The following CHRM5 variants were observed in gnomAD, a reference collection of about 807,000 sequenced individuals.
CHRM5 encodes muscarinic acetylcholine receptor M5.
Under a neutral mutation model 39.0 loss-of-function variants are expected in CHRM5, and 18 were observed. That is an observed-to-expected ratio of 0.46 (90% confidence interval 0.32 to 0.68). CHRM5 has a LOEUF of 0.68. CHRM5 is among the 30% of genes least tolerant of loss of function. The pLI, the probability that CHRM5 is intolerant of heterozygous loss-of-function variation, is 0.04. For missense variants in CHRM5, 515 were observed against 651.1 expected (o/e 0.79, Z 2.28); for synonymous variants, 241 against 246.3 (o/e 0.98, Z 0.20).
chr15:33,973,422 T>C (rs1895725520), intron 1 of CHRM5, among the ~76,000 whole-genome samples: 1 of 152,224 alleles, frequency 6.6e-6, no homozygotes, highest in African/African-American at 2.4e-5. Flanking sequence ...TCATTTGTGT[T>C]GCAAAGACAG....
At chr15:34,008,144 G>A (rs1013899201) in intron 1 of CHRM5, among the ~76,000 whole-genome samples, 1 of 152,258 alleles carries the variant, frequency 6.6e-6, no homozygotes. Flanking sequence ...GGGTGGGCCT[G>A]GCACCATGGC....
At chr15:33,986,750 A>G (rs1026817524) in intron 1 of CHRM5, among the ~76,000 whole-genome samples, 3 of 146,942 alleles carry the variant, frequency 2.0e-5, no homozygotes, top group Admixed American at 6.8e-5. Context: ...TCCGCCTCCC[A>G]GGTTCAAGCG....
intron 1 of CHRM5, among the ~76,000 whole-genome samples, chr15:34,005,612 G>A (rs1158658518): frequency 6.6e-6 from 1 of 152,144 alleles, no homozygotes; most frequent in Non-Finnish European, 1.5e-5. Context: ...CACAGGGTTT[G>A]GATAATGAAG....
In CHRM5 at chr15:34,063,480, C is replaced by T. The variant is rs140851264; in HGVS notation, c.763C>T (p.Arg255Cys). The T allele has an allele frequency of 3.9e-5, 63 of 1,613,706 alleles. No individual in the cohort carries two copies. The highest frequency in any genetic ancestry group is 2.4e-4 in the South Asian group (22 of 91,092). The stretch of plus-strand genomic sequence containing the variant: ...TAGGGCTCTGTTCAGATCCTGCTTG[C>T]GCTGTCCTCGACCCACCCTGGCCCA... ...AHRALFRSCL[R>C]CPRPTLAQRE... Residue 255 changes from arginine (R) to cysteine (C), a missense_variant, in exon 3 of 3, where the codon CGC becomes TGC. Physicochemically the swap from Arg to Cys is radical, Grantham distance 180. Transcript: ENST00000383263. This position sits in a 1 kb window ranked among gnomAD's most constrained non-coding sequence, Gnocchi z 4.1.
chr15:33,988,447 C>T (rs778359240), intron 1 of CHRM5, among the ~76,000 whole-genome samples: 3 of 152,134 alleles, frequency 2.0e-5, no homozygotes, highest in East Asian at 3.9e-4. Context: ...ATGAAACCTA[C>T]CCTATTAAGT....
chr15:34,053,892 A>G (rs1900034101), intron 2 of CHRM5, among the ~76,000 whole-genome samples: 1 of 152,144 alleles, frequency 6.6e-6, no homozygotes, highest in Non-Finnish European at 1.5e-5. Context: ...TGAATAGACA[A>G]CTTACAGAAT....
chr15:33,980,755 T>TCCTTGCTCTAA (rs1896102475), intron 1 of CHRM5, among the ~76,000 whole-genome samples: 2 of 152,114 alleles, frequency 1.3e-5, no homozygotes, highest in African/African-American at 2.4e-5. Context: ...CTAAGCAGAG[T>TCCTTGCTCTAA]GTAGGCAAGG....
intron 1 of CHRM5, among the ~76,000 whole-genome samples, chr15:34,011,431 A>G (rs1194571992): frequency 1.3e-5 from 2 of 152,238 alleles, no homozygotes; most frequent in Non-Finnish European, 2.9e-5. Context: ...AGTATATGGC[A>G]TATATGTGAA....
intron 1 of CHRM5, among the ~76,000 whole-genome samples, chr15:34,023,622 A>C (rs1297442697): frequency 6.6e-6 from 1 of 152,196 alleles, no homozygotes; most frequent in Non-Finnish European, 1.5e-5. Context: ...GAAGAAAATA[A>C]AAAAACTCTC....
chr15:34,035,023 T>C (rs899368301), intron 1 of CHRM5, among the ~76,000 whole-genome samples: 2 of 152,232 alleles, frequency 1.3e-5, no homozygotes, highest in Admixed American at 1.3e-4. Context: ...GACACCTGCC[T>C]GTAACTGATC....
chr15:34,036,284 T>C (rs1899121402), intron 1 of CHRM5, among the ~76,000 whole-genome samples: 1 of 152,136 alleles, frequency 6.6e-6, no homozygotes, highest in South Asian at 2.1e-4. Flanking sequence ...TAAGTTACCC[T>C]GGAGTATTAC....
In CHRM5 at chr15:34,031,545, T is replaced by A. The variant is rs147146354; in HGVS notation, c.-407-14995T>A. ...TGACTTGGTACTAAAGAAATATGGATCAGACAGATTCGTATCAGTCCTTAA... is the reference window on the plus strand; with the variant it reads ...TGACTTGGTACTAAAGAAATATGGAACAGACAGATTCGTATCAGTCCTTAA... On this transcript the variant is annotated intron_variant, in intron 1 of 2. Coordinates refer to ENST00000383263, the MANE Select transcript of CHRM5 (RefSeq NM_012125.4). Among the ~76,000 whole-genome samples the A allele has an allele frequency of 2.0e-5, 3 of 152,296 alleles. No individual in the cohort carries two copies. In the East Asian group the frequency reaches 5.8e-4, roughly 29 times the overall value.
intron 2 of CHRM5, among the ~76,000 whole-genome samples, chr15:34,052,163 T>G (rs1030331997): frequency 1.3e-5 from 2 of 152,208 alleles, no homozygotes; most frequent in Non-Finnish European, 2.9e-5. Flanking sequence ...TCAAGTTGGC[T>G]TCATCCCTGG....
At chr15:33,993,899 C>CA (rs1896829571) in intron 1 of CHRM5, among the ~76,000 whole-genome samples, 1 of 152,194 alleles carries the variant, frequency 6.6e-6, no homozygotes, top group Non-Finnish European at 1.5e-5. Flanking sequence ...ATTCTGTGGG[C>CA]ATGTTTCTTT....
chr15:34,012,448 T>G (rs1233757747), intron 1 of CHRM5, among the ~76,000 whole-genome samples: 1 of 152,228 alleles, frequency 6.6e-6, no homozygotes, highest in Admixed American at 6.5e-5. Context: ...CCATTGCCAC[T>G]GACCATTTAC....
intron 1 of CHRM5, among the ~76,000 whole-genome samples, chr15:34,037,929 T>G (rs1187694928): frequency 6.6e-6 from 1 of 152,184 alleles, no homozygotes; most frequent in Non-Finnish European, 1.5e-5. Context: ...ATAAAGATGG[T>G]CTTGTCCTAC....
intron 1 of CHRM5, among the ~76,000 whole-genome samples, chr15:33,993,021 C>T (rs796888939): frequency 3.6e-4 from 55 of 152,178 alleles, no homozygotes; most frequent in African/African-American, 1.3e-3. Flanking sequence ...TAATATTTTC[C>T]CCACGTTTTC....
chr15:34,053,509 T>C (rs1405594038), intron 2 of CHRM5, among the ~76,000 whole-genome samples: 1 of 151,218 alleles, frequency 6.6e-6, no homozygotes, highest in Admixed American at 6.6e-5. Context: ...GAATAGAGAA[T>C]TCAGAAATAA....
intron 1 of CHRM5, chr15:34,003,171 C>G: frequency 6.2e-7 from 1 of 1,613,740 alleles, no homozygotes; most frequent in Non-Finnish European, 8.5e-7. Context: ...GTTCATCATT[C>G]TCTTCTCCAT....
Sources: allele counts gnomAD v4.1 joint callset (sites outside exome capture counted in the v4.1 genomes callset), GRCh38; gene constraint gnomAD v4.1.1; non-coding constraint Gnocchi (gnomAD v3.1); transcripts MANE v1.5; gene names NCBI Gene and HGNC (gene_info 2026-07-23, HGNC 2026-07-21).